CD109: variants seen among roughly 807,000 people sequenced by gnomAD.
CD109 encodes CD109 antigen.
In CD109, 149 loss-of-function variants were observed where a neutral mutation model predicts 165.8. That is an observed-to-expected ratio of 0.90 (90% CI 0.79 to 1.03). The LOEUF (loss-of-function observed/expected upper bound fraction) is 1.03, where lower values mean the gene tolerates loss of function less well. CD109 is among the 50% of genes least tolerant of loss of function. The pLI, the probability that CD109 is intolerant of heterozygous loss-of-function variation, is 0.00. For synonymous variants in CD109, 585 were observed against 592.1 expected, an observed-to-expected ratio of 0.99 and a Z score of 0.18; for missense variants, 1,712 against 1,677.8, an observed-to-expected ratio of 1.02 and a Z score of -0.36.
Position 73,810,865 on chromosome 6 carries a change from A to G in CD109, c.3547-127A>G, listed in dbSNP as rs1775730476. 76 of 887,430 alleles carry G rather than the reference A, an allele frequency of 8.6e-5. 5 individuals are homozygous for G. The South Asian group carries it at 1.4e-3, about 16-fold the overall frequency. The allele number at this position is 887,430 out of a possible 1,614,324, so 55.0% of individuals were successfully genotyped here. A position where few individuals can be genotyped will look rare whatever the true frequency, so the allele number is the denominator to read the frequency against. ...TACTCTAGGCCAAGGACATTCAAAT[A>G]TGAATCAGGGAGCATTCCACTCTGA... On this transcript the variant is annotated intron_variant, in intron 27 of 32. Coordinates refer to ENST00000287097, the MANE Select transcript of CD109 (RefSeq NM_133493.5).
In CD109 at chr6:73,765,967, T is replaced by C. The variant is rs146419763; in HGVS notation, c.1145T>C (p.Leu382Pro). The C allele has an allele frequency of 1.0e-4, 168 of 1,614,048 alleles. 1 individual carries two copies. The African/African-American group carries it at 1.9e-3, about 19-fold the overall frequency. ...CGTGCTGATGGCAACCAACTGACTC[T>C]TGAAGAAAGAAGAAATAATGTAGTC... ...VTRADGNQLT[L>P]EERRNNVVIT... Residue 382 changes from leucine (L) to proline (P), a missense_variant, in exon 11 of 33, where the codon CTT becomes CCT. Transcript: ENST00000287097.
At chr6:73,808,791 T>C (rs1392484615) in intron 26 of CD109, among the ~76,000 whole-genome samples, 2 of 147,944 alleles carry the variant, frequency 1.4e-5, no homozygotes, top group East Asian at 4.0e-4. Context: ...ATATACAAAG[T>C]GGACAGGGAT....
the CD109 span, among the ~76,000 whole-genome samples, chr6:73,681,592 G>A: frequency 6.6e-6 from 1 of 151,806 alleles, no homozygotes; most frequent in Non-Finnish European, 1.5e-5. Flanking sequence ...AGCTTGTGTA[G>A]GGAAACTTCC....
chr6:73,800,964 T>C (rs1417584345), intron 23 of CD109, among the ~76,000 whole-genome samples: 2 of 152,208 alleles, frequency 1.3e-5, no homozygotes, highest in Non-Finnish European at 2.9e-5. Flanking sequence ...GTTTAAAAAC[T>C]TTAAAAAAAT....
chr6:73,814,986 T>C lies in CD109; in HGVS notation c.3774T>C (p.Asn1258=). The C allele has an allele frequency of 6.5e-7, 1 of 1,530,768 alleles. No homozygotes were observed. Among genetic ancestry groups the C allele is most frequent in the Non-Finnish European group, 8.7e-7 (1 of 1,150,932 alleles). The allele number at this position is 1,530,768 out of a possible 1,614,324, so 94.8% of individuals were successfully genotyped here. Residue 1258 remains asparagine (N), a synonymous_variant, in exon 30 of 33, where the codon AAT becomes AAC. Coordinates refer to ENST00000287097, the MANE Select transcript of CD109 (RefSeq NM_133493.5). ...NGFGFAICQL[N]VVYNVKASGS... is the part of the protein sequence containing the mutation. ...TGCTAGTTTATTTTTTACAGCTCAA[T>C]GTTGTATATAATGTGAAGGCTTCTG...
chr6:73,743,486 G>GT (rs1409551131), intron 5 of CD109, among the ~76,000 whole-genome samples: 1 of 152,100 alleles, frequency 6.6e-6, no homozygotes, highest in African/African-American at 2.4e-5. Flanking sequence ...TGAGTTACTT[G>GT]TTTTTTCTAG....
chr6:73,759,026 AAAGT>A lies in CD109; in HGVS notation c.758+3_758+6del. ...AGCATTTAAATGGTACCATCACGGC[AAAGT>A]AAGTGTCATTTTTCTTTTGATATGA... On this transcript the variant is annotated splice_donor_variant and coding_sequence_variant, in exon 7 of 33. Coordinates refer to ENST00000287097, the MANE Select transcript of CD109 (RefSeq NM_133493.5). LOFTEE classifies it high-confidence loss of function. 1.9e-5 allele frequency: 30 copies of A among 1,575,648 alleles called. No individual in the cohort carries two copies. The highest frequency in any genetic ancestry group is 2.4e-5 in the Non-Finnish European group (28 of 1,146,226).
intron 3 of CD109, among the ~76,000 whole-genome samples, chr6:73,726,558 G>A (rs1282313580): frequency 1.3e-5 from 2 of 152,194 alleles, no homozygotes; most frequent in Non-Finnish European, 2.9e-5. Flanking sequence ...AAATACTATT[G>A]TGTTGTCTCA....
At chr6:73,685,665 T>G in the CD109 span, among the ~76,000 whole-genome samples, 4 of 152,174 alleles carry the variant, frequency 2.6e-5, no homozygotes, top group Non-Finnish European at 5.9e-5. Context: ...GTGCACACAC[T>G]GTATCCAATA....
chr6:73,757,230 A>G (rs1250590052), intron 6 of CD109, among the ~76,000 whole-genome samples: 1 of 152,260 alleles, frequency 6.6e-6, no homozygotes, highest in East Asian at 1.9e-4. Context: ...TTGCACATGC[A>G]GTTTTTCATT....
intron 29 of CD109, among the ~76,000 whole-genome samples, chr6:73,813,985 A>T (rs1397032667): frequency 6.6e-6 from 1 of 152,184 alleles, no homozygotes; most frequent in Non-Finnish European, 1.5e-5. Context: ...TTTAAGAAAG[A>T]GTTGACAAAT....
intron 23 of CD109, among the ~76,000 whole-genome samples, chr6:73,798,231 CAGCCTCCCGA>C (rs1445880458): frequency 2.0e-5 from 3 of 151,828 alleles, no homozygotes; most frequent in Non-Finnish European, 4.4e-5. Context: ...TCTCCTGCTT[CAGCCTCCCGA>C]GTAGCTGGGA....
At chr6:73,691,058 T>C (rs1266613724), upstream of CD109, among the ~76,000 whole-genome samples, 1 of 152,154 alleles carries the variant, frequency 6.6e-6, no homozygotes, top group Non-Finnish European at 1.5e-5. Flanking sequence ...CCCTCTTCCC[T>C]TTCAGCCACC....
At chr6:73,719,963 A>G (rs1446111968) in intron 2 of CD109, among the ~76,000 whole-genome samples, 6 of 152,204 alleles carry the variant, frequency 3.9e-5, no homozygotes, top group Non-Finnish European at 5.9e-5. Context: ...GTTTCTTCCT[A>G]CAAGGTAAGA....
Position 73,781,292 on chromosome 6 carries a change from C to A in CD109, c.1936C>A (p.Leu646Ile). 6.2e-7 allele frequency: 1 copy of A among 1,613,158 alleles called. No homozygotes were observed. The highest frequency in any genetic ancestry group is 8.5e-7 in the Non-Finnish European group (1 of 1,179,354). Residue 646 changes from leucine to isoleucine, a missense_variant, in exon 17 of 33, where the codon CTC becomes ATC. Physicochemically the swap from Leu to Ile is conservative, Grantham distance 5 (BLOSUM62 2). Transcript: ENST00000287097. ...CGLWVLTDAN[L>I]TKDYIDGVYD... ...ACTCTGGGTATTGACAGATGCAAAC[C>A]TCACGAAGGATTATATTGATGGTGT...
At chr6:73,711,077 C>T (rs1582043557) in intron 2 of CD109, among the ~76,000 whole-genome samples, 1 of 152,216 alleles carries the variant, frequency 6.6e-6, no homozygotes, top group South Asian at 2.1e-4. Context: ...GTGGGCCAGA[C>T]TGGATCTGTA....
chr6:73,809,493 C>A (rs955152254), intron 26 of CD109, among the ~76,000 whole-genome samples: 5 of 152,048 alleles, frequency 3.3e-5, no homozygotes, highest in African/African-American at 1.2e-4. Context: ...AAACTATTTT[C>A]ATCAAAACAT....
At chr6:73,804,343 T>C (rs1386854777) in intron 24 of CD109, among the ~76,000 whole-genome samples, 3 of 152,224 alleles carry the variant, frequency 2.0e-5, no homozygotes, top group Non-Finnish European at 2.9e-5. Flanking sequence ...TTGATGTTCT[T>C]TTTACCTCAG....
At chr6:73,741,071 A>G (rs1488022341) in intron 5 of CD109, among the ~76,000 whole-genome samples, 1 of 151,780 alleles carries the variant, frequency 6.6e-6, no homozygotes, top group East Asian at 1.9e-4. Context: ...TGATGGTGGG[A>G]CATCATAAGT....
Sources: gnomAD v4.1 joint callset for allele counts (sites outside exome capture counted in the v4.1 genomes callset) on GRCh38, gnomAD v4.1.1 for gene constraint, MANE v1.5 for transcripts, NCBI Gene and HGNC (gene_info 2026-07-23, HGNC 2026-07-21) for gene names.